Variants in TRIM37 observed in about 807,000 individuals in gnomAD.
TRIM37 encodes E3 ubiquitin-protein ligase TRIM37.
A neutral mutation model predicts 129.8 loss-of-function variants in TRIM37; 80 were observed. That is an observed-to-expected ratio of 0.62 (90% CI 0.51 to 0.74). The LOEUF (loss-of-function observed/expected upper bound fraction) is 0.74, where lower values mean the gene tolerates loss of function less well. TRIM37 is among the 30% of genes least tolerant of loss of function. TRIM37 has a pLI of 0.00. For synonymous variants in TRIM37, 389 were observed against 387.1 expected (o/e 1.00, Z -0.06); for missense variants, 1,054 against 1,176.5 (o/e 0.90, Z 1.52).
intron 22 of TRIM37, among the ~76,000 whole-genome samples, chr17:59,004,681 CAG>C (rs1598830419): frequency 6.6e-6 from 1 of 152,080 alleles, no homozygotes; most frequent in Admixed American, 6.6e-5. Context: ...AAACCAAAAA[CAG>C]ATGAAATGAG....
chr17:58,985,765 G>T (rs1486103898), intron 24 of TRIM37, among the ~76,000 whole-genome samples: 1 of 152,204 alleles, frequency 6.6e-6, no homozygotes, highest in Middle Eastern at 3.4e-3. Flanking sequence ...AGTAAAGAAG[G>T]CCTTTACAAT....
At chr17:59,027,197 T>C (rs1449377041) in intron 19 of TRIM37, among the ~76,000 whole-genome samples, 1 of 152,182 alleles carries the variant, frequency 6.6e-6, no homozygotes, top group Non-Finnish European at 1.5e-5. Flanking sequence ...TGTCTCAAAT[T>C]AAACATGTTT....
At chr17:58,986,918 C>T (rs1039556069) in intron 24 of TRIM37, among the ~76,000 whole-genome samples, 2 of 152,204 alleles carry the variant, frequency 1.3e-5, no homozygotes, top group Non-Finnish European at 2.9e-5. Flanking sequence ...CCCTTACTTA[C>T]ATTTAAAACA....
chr17:59,083,272 C>A (rs1032743909), intron 5 of TRIM37, among the ~76,000 whole-genome samples: 2 of 151,958 alleles, frequency 1.3e-5, no homozygotes, highest in Non-Finnish European at 2.9e-5. Flanking sequence ...CCCGTCTCTA[C>A]TAAAAATACA....
At position 59,006,244 on chromosome 17, in the gene TRIM37, G is replaced by A. The variant is rs190388875; in HGVS notation, c.2696-4530C>T. On this transcript the variant is annotated intron_variant, in intron 22 of 23. Coordinates refer to ENST00000262294, the MANE Select transcript of TRIM37 (RefSeq NM_015294.6). Reference sequence around the variant, plus strand: ...TAAAGAAAAAGACAAATGGCTGGACGTCAATGATAGCAATTACAAGATACT... The same window carrying A: ...TAAAGAAAAAGACAAATGGCTGGACATCAATGATAGCAATTACAAGATACT... Among the ~76,000 whole-genome samples, 98 of 152,254 alleles carry A rather than the reference G, an allele frequency of 6.4e-4. 1 individual carries two copies. The highest frequency in any genetic ancestry group is 2.3e-3 in the African/African-American group (97 of 41,572).
intron 23 of TRIM37, among the ~76,000 whole-genome samples, chr17:58,999,660 GAA>G (rs974684014): frequency 6.6e-6 from 1 of 151,934 alleles, no homozygotes; most frequent in Non-Finnish European, 1.5e-5. Flanking sequence ...AAATAAAGGA[GAA>G]AAAAACAAAA....
rs2045801229 is a variant in TRIM37, at chr17:59,104,358, C to G, written c.58G>C (p.Glu20Gln). Residue 20 changes from glutamate (E) to glutamine (Q), a missense_variant, in exon 2 of 24, where the codon GAG becomes CAG. Glu to Gln is a conservative substitution (Grantham distance 29, BLOSUM62 2). Coordinates refer to ENST00000262294, the MANE Select transcript of TRIM37 (RefSeq NM_015294.6). ...CACAGGCGTGCATCCCGCAATTTCT[C>G]CATACAAATGAAACATCGGAAAACC... is the stretch of plus-strand genomic sequence containing the variant. ...AEVFRCFICM[E>Q]KLRDARLCPH... The G allele has an allele frequency of 6.2e-7, 1 of 1,614,176 alleles. No individual in the cohort carries two copies.
At chr17:59,003,337 G>A (rs924421794) in intron 22 of TRIM37, among the ~76,000 whole-genome samples, 1 of 152,128 alleles carries the variant, frequency 6.6e-6, no homozygotes, top group Non-Finnish European at 1.5e-5. Flanking sequence ...ATTTCGGTTT[G>A]GGATTTAAGG....
chr17:59,007,551 G>A (rs962427158), intron 22 of TRIM37, among the ~76,000 whole-genome samples: 3 of 152,014 alleles, frequency 2.0e-5, no homozygotes, highest in African/African-American at 7.2e-5. Context: ...GGGGGTATGT[G>A]CTACTTCAGC....
intron 3 of TRIM37, among the ~76,000 whole-genome samples, chr17:59,089,281 C>G (rs965321929): frequency 1.3e-5 from 2 of 151,874 alleles, no homozygotes; most frequent in Non-Finnish European, 2.9e-5. Flanking sequence ...AAACACAAAT[C>G]CACAGCTGTG....
Position 58,998,261 on chromosome 17 carries a change from T to C in TRIM37, c.*1116A>G, listed in dbSNP as rs2033200910. ...AACTATTTTGAACAAAAGTAAACTATGAGTCACAGCATTCAGCAAGACATC... is the reference window on the plus strand; with the variant it reads ...AACTATTTTGAACAAAAGTAAACTACGAGTCACAGCATTCAGCAAGACATC... On this transcript the variant is annotated 3_prime_UTR_variant, in exon 24 of 24. Transcript: ENST00000262294. 1 of 985,354 alleles carries C rather than the reference T, an allele frequency of 1.0e-6. No individual in the cohort carries two copies. Among genetic ancestry groups the C allele is most frequent in the Non-Finnish European group, 1.2e-6 (1 of 829,948 alleles). 61.0% of individuals were successfully genotyped at this position (985,354 alleles called of 1,614,324 possible). A position where few individuals can be genotyped will look rare whatever the true frequency, so the allele number is the denominator to read the frequency against.
chr17:59,106,689 G>C lies in TRIM37; in HGVS notation c.-228C>G, dbSNP rs886053179. ...GCCCGCCCCGAGGCGCAGAAGTAGG[G>C]CGAACGGTGGCCGCAGCTCCTTTCT... is the stretch of plus-strand genomic sequence containing the variant. On this transcript the variant is annotated 5_prime_UTR_variant, in exon 1 of 24. Transcript: ENST00000262294. The C allele has an allele frequency of 8.3e-6, 5 of 600,086 alleles. No individual in the cohort carries two copies. Among genetic ancestry groups the C allele is most frequent in the Non-Finnish European group, 1.2e-5 (4 of 337,892 alleles). 37.2% of individuals were successfully genotyped at this position (600,086 alleles called of 1,614,324 possible). A position where few individuals can be genotyped will look rare whatever the true frequency, so the allele number is the denominator to read the frequency against.
chr17:59,001,786 A>C, intron 22 of TRIM37, 72 bp from the exon 23 acceptor site: 1 of 1,578,782 alleles, frequency 6.3e-7, no homozygotes, highest in Non-Finnish European at 8.6e-7. Flanking sequence ...AAATCTCCGT[A>C]TCTGCTAAAC....
chr17:59,055,253 T>C (rs905753236), intron 13 of TRIM37, among the ~76,000 whole-genome samples: 3 of 143,442 alleles, frequency 2.1e-5, no homozygotes, highest in East Asian at 2.1e-4. Flanking sequence ...GGAGAATCGC[T>C]TGAACCTGGG....
intron 19 of TRIM37, among the ~76,000 whole-genome samples, chr17:59,023,348 G>A (rs184999383): frequency 4.3e-4 from 66 of 152,258 alleles, no homozygotes; most frequent in Middle Eastern, 3.4e-3. Flanking sequence ...AAAGTGCTGG[G>A]ATTACAGGCG....
At chr17:59,049,105 A>G (rs769600975) in intron 15 of TRIM37, 73 bp downstream of exon 15, 3 of 1,215,180 alleles carry the variant, frequency 2.5e-6, no homozygotes, top group African/African-American at 1.5e-5. Context: ...TTAGCACATA[A>G]TATGTTAAAA....
intron 17 of TRIM37, among the ~76,000 whole-genome samples, chr17:59,037,116 AAAAACAAAAC>A (rs1047970384): frequency 2.0e-5 from 3 of 152,012 alleles, no homozygotes; most frequent in Non-Finnish European, 4.4e-5. Flanking sequence ...CTCCATCTCA[AAAAACAAAAC>A]AAAACAAAAC....
intron 19 of TRIM37, among the ~76,000 whole-genome samples, chr17:59,020,918 G>A (rs1373411343): frequency 1.3e-5 from 2 of 152,150 alleles, no homozygotes; most frequent in African/African-American, 4.8e-5. Flanking sequence ...CAGTTTGGAG[G>A]TTCCTCAGAA....
chr17:58,993,100 A>G (rs1262140725), intron 24 of TRIM37, among the ~76,000 whole-genome samples: 2 of 152,158 alleles, frequency 1.3e-5, no homozygotes, highest in Non-Finnish European at 2.9e-5. Flanking sequence ...ATACTGAATA[A>G]GCCTCATGAG....
Sources: allele counts gnomAD v4.1 joint callset (sites outside exome capture counted in the v4.1 genomes callset), GRCh38; gene constraint gnomAD v4.1.1; transcripts MANE v1.5; gene names NCBI Gene and HGNC (gene_info 2026-07-23, HGNC 2026-07-21).